The following MAF variants were observed in gnomAD, a reference collection of about 807,000 sequenced individuals.
MAF encodes the protein MAF bZIP transcription factor, also known as transcription factor Maf.
A neutral mutation model predicts 22.0 loss-of-function variants in MAF; 10 were observed. The ratio of observed to expected loss-of-function variants is 0.45; its 90% CI spans 0.28 to 0.77. MAF has a LOEUF of 0.77. Ranked by LOEUF, MAF falls within the 30% of genes least tolerant of loss-of-function variation. The pLI is 0.12. For synonymous variants in MAF, 337 were observed against 255.8 expected, an observed-to-expected ratio of 1.32 and a Z score of -3.03; for missense variants, 544 against 548.4, an observed-to-expected ratio of 0.99 and a Z score of 0.08.
At chr16:79,215,352 C>T in the MAF span, among the ~76,000 whole-genome samples, 1 of 152,150 alleles carries the variant, frequency 6.6e-6, no homozygotes, top group African/African-American at 2.4e-5. Flanking sequence ...ACCACTGTGC[C>T]TGGCCATGGA....
At position 79,600,397 on chromosome 16, in the gene MAF, G is replaced by A. The variant is rs1913962245; in HGVS notation, c.-495C>T. ...CCGCTCGGGGCTGGAGGCGCGGCGG[G>A]CGTCTGTCCGGGCGGCGCGGGCCTT... On this transcript the variant is annotated 5_prime_UTR_variant, in exon 1 of 2. Coordinates refer to ENST00000326043, the MANE Select transcript of MAF (RefSeq NM_005360.5). 5.1e-6 allele frequency: 1 copy of A among 197,316 alleles called. No individual in the cohort carries two copies. Among genetic ancestry groups the A allele is most frequent in the Non-Finnish European group, 1.2e-5 (1 of 86,488 alleles). The allele number at this position is 197,316 out of a possible 1,614,324, so 12.2% of individuals were successfully genotyped here.
chr16:79,575,287 C>G, the MAF span, among the ~76,000 whole-genome samples: 14 of 152,276 alleles, frequency 9.2e-5, no homozygotes, highest in African/African-American at 3.4e-4. Context: ...ATCAGAAAAG[C>G]AGGCAGCTGA....
At chr16:79,566,171 G>C in the MAF span, among the ~76,000 whole-genome samples, 1 of 152,122 alleles carries the variant, frequency 6.6e-6, no homozygotes, top group African/African-American at 2.4e-5. Context: ...TTAAAGAAAT[G>C]TACATATCCA....
chr16:79,383,713 G>T, the MAF span, among the ~76,000 whole-genome samples: 8 of 152,074 alleles, frequency 5.3e-5, no homozygotes. Context: ...CTGTGTTTAC[G>T]CTGGTCCTCT....
Position 79,588,400 on chromosome 16 carries a change from A to C in MAF, c.1119-2459T>G, listed in dbSNP as rs186633529. ...CTGCCTTTCGGATCATTTTTATTTC[A>C]TAAAGTGGGAACTGTAGATTTTTCT... On this transcript the variant is annotated intron_variant, in intron 1 of 1. Coordinates refer to the MAF transcript ENST00000569649. Among the ~76,000 whole-genome samples the C allele has an allele frequency of 1.4e-3, 212 of 152,170 alleles. 1 individual carries two copies. Among genetic ancestry groups the C allele is most frequent in the African/African-American group, 4.8e-3 (199 of 41,532 alleles).
chr16:79,378,713 C>T, the MAF span, among the ~76,000 whole-genome samples: 1 of 152,074 alleles, frequency 6.6e-6, no homozygotes, highest in Non-Finnish European at 1.5e-5. Context: ...ATCTTGTAAT[C>T]CTATTATTTC....
At chr16:79,456,654 G>A in the MAF span, among the ~76,000 whole-genome samples, 1 of 152,144 alleles carries the variant, frequency 6.6e-6, no homozygotes, top group African/African-American at 2.4e-5. Context: ...ACAGATGACA[G>A]AAGTCATCTT....
At chr16:79,522,287 T>C in the MAF span, among the ~76,000 whole-genome samples, 1 of 152,194 alleles carries the variant, frequency 6.6e-6, no homozygotes, top group African/African-American at 2.4e-5. Context: ...CACATTTCTC[T>C]TTTTACATGA....
chr16:79,565,563 G>A, the MAF span, among the ~76,000 whole-genome samples: 1 of 152,046 alleles, frequency 6.6e-6, no homozygotes, highest in African/African-American at 2.4e-5. Context: ...CCTCCATGCT[G>A]TTCTTGTGAT....
the MAF span, among the ~76,000 whole-genome samples, chr16:79,280,500 C>A: frequency 6.6e-6 from 1 of 152,230 alleles, no homozygotes; most frequent in African/African-American, 2.4e-5. Context: ...TATGCACAGG[C>A]CAGCTTGGGG....
the MAF span, among the ~76,000 whole-genome samples, chr16:79,288,110 G>A: frequency 6.6e-6 from 1 of 152,136 alleles, no homozygotes; most frequent in Non-Finnish European, 1.5e-5. Context: ...CAGAGGGAGG[G>A]TGAAGGGGAA....
chr16:79,216,511 T>G, the MAF span, among the ~76,000 whole-genome samples: 7 of 152,180 alleles, frequency 4.6e-5, no homozygotes, highest in East Asian at 5.8e-4. Flanking sequence ...CAGTATAGCA[T>G]TCAATAAATT....
At chr16:79,239,986 G>A in the MAF span, among the ~76,000 whole-genome samples, 1 of 151,920 alleles carries the variant, frequency 6.6e-6, no homozygotes. Context: ...GCCCAGGAAG[G>A]CTTCACAAAG....
the MAF span, among the ~76,000 whole-genome samples, chr16:79,399,121 G>A: frequency 9.0e-3 from 1,366 of 152,306 alleles, 14 homozygotes; most frequent in African/African-American, 0.031. Context: ...CTCCGTGGGC[G>A]TTGGAATGGA....
chr16:79,335,896 G>A, the MAF span, among the ~76,000 whole-genome samples: 3 of 152,330 alleles, frequency 2.0e-5, 1 homozygote, highest in African/African-American at 7.2e-5. Context: ...TGCCAGGGAA[G>A]AGCCAGAGTT....
At chr16:79,528,389 C>A in the MAF span, among the ~76,000 whole-genome samples, 286 of 152,286 alleles carry the variant, frequency 1.9e-3, no homozygotes, top group African/African-American at 6.6e-3. Context: ...ACACTATCAA[C>A]AGACACTGTC....
At chr16:79,436,996 A>G in the MAF span, among the ~76,000 whole-genome samples, 1 of 152,294 alleles carries the variant, frequency 6.6e-6, no homozygotes, top group East Asian at 1.9e-4. Flanking sequence ...GAAATCCCGC[A>G]CTTTAGAGTC....
the MAF span, among the ~76,000 whole-genome samples, chr16:79,264,824 G>A: frequency 5.3e-5 from 8 of 152,050 alleles, no homozygotes; most frequent in Non-Finnish European, 8.8e-5. Flanking sequence ...TCAAGACAGC[G>A]GTTCCTGCCT....
At chr16:79,533,259 G>A in the MAF span, among the ~76,000 whole-genome samples, 1 of 152,138 alleles carries the variant, frequency 6.6e-6, no homozygotes, top group Non-Finnish European at 1.5e-5. Context: ...GATGGTCTCA[G>A]ACCTGTTTTG....
Sources: gnomAD v4.1 joint callset for allele counts (sites outside exome capture counted in the v4.1 genomes callset) on GRCh38, gnomAD v4.1.1 for gene constraint, MANE v1.5 for transcripts, NCBI Gene and HGNC (gene_info 2026-07-23, HGNC 2026-07-21) for gene names.